Variants in CA12 observed in about 807,000 individuals in gnomAD.
CA12 encodes the protein carbonate dehydratase XII.
In CA12, 36 loss-of-function variants were observed where a neutral mutation model predicts 46.8. That is an observed-to-expected ratio of 0.77 (90% CI 0.59 to 1.02). The LOEUF is 1.02. Ranked by LOEUF, CA12 falls within the 50% of genes least tolerant of loss-of-function variation. The pLI is 0.00. For missense variants in CA12, 436 were observed against 451.4 expected, an observed-to-expected ratio of 0.97 and a Z score of 0.31; for synonymous variants, 202 against 187.0, an observed-to-expected ratio of 1.08 and a Z score of -0.65.
intron 2 of CA12, among the ~76,000 whole-genome samples, chr15:63,351,069 G>A (rs2039223640): frequency 6.6e-6 from 1 of 152,188 alleles, no homozygotes; most frequent in Non-Finnish European, 1.5e-5. Context: ...TTAACAGTTT[G>A]TAAATTTCAG....
At chr15:63,353,644 G>A (rs555219187) in intron 2 of CA12, among the ~76,000 whole-genome samples, 5 of 152,266 alleles carry the variant, frequency 3.3e-5, no homozygotes, top group Admixed American at 2.6e-4. Flanking sequence ...ACTCAGAGGG[G>A]ACCGCAGACT....
At chr15:63,380,498 G>A (rs2039631251) in intron 1 of CA12, among the ~76,000 whole-genome samples, 1 of 152,176 alleles carries the variant, frequency 6.6e-6, no homozygotes, top group Non-Finnish European at 1.5e-5. Context: ...TGCAGCTTTC[G>A]TAAAAGGAAA....
At position 63,381,799 on chromosome 15, in the gene CA12, G is replaced by A; in HGVS notation, c.-79C>T. On this transcript the variant is annotated 5_prime_UTR_variant, in exon 1 of 11. Coordinates refer to ENST00000178638, the MANE Select transcript of CA12 (RefSeq NM_001218.5). The stretch of plus-strand genomic sequence containing the variant: ...CGCTCGCTCTCCAGCTGCACACCGG[G>A]ACCGCGTGCGCGCAGCCTGGGTGCC... 5 of 953,074 alleles carry A rather than the reference G, an allele frequency of 5.2e-6. No homozygotes were observed. Among genetic ancestry groups the A allele is most frequent in the East Asian group, 3.2e-5 (1 of 31,572 alleles). The allele number at this position is 953,074 out of a possible 1,614,324, so 59.0% of individuals were successfully genotyped here.
At chr15:63,370,704 C>A (rs1332096319) in intron 2 of CA12, among the ~76,000 whole-genome samples, 1 of 148,780 alleles carries the variant, frequency 6.7e-6, no homozygotes, top group South Asian at 2.1e-4. Context: ...ACCTGGGAGG[C>A]GGAGGTTGCA....
At chr15:63,361,387 A>G (rs1000146184) in intron 2 of CA12, among the ~76,000 whole-genome samples, 2 of 152,194 alleles carry the variant, frequency 1.3e-5, no homozygotes, top group Non-Finnish European at 2.9e-5. Context: ...AGACTAAGCC[A>G]GTGATTTTCA....
At position 63,346,586 on chromosome 15, in the gene CA12, T is replaced by G. The variant is rs775683865; in HGVS notation, c.230A>C (p.Gln77Pro). 1.2e-6 allele frequency: 2 copies of G among 1,613,940 alleles called. No individual in the cohort carries two copies. Among genetic ancestry groups the G allele is most frequent in the African/African-American group, 2.7e-5 (2 of 74,880 alleles). The change falls in exon 3 of 11, where the codon CAA (glutamine) becomes CCA (proline). Residue 77 changes from glutamine to proline, a missense_variant. By Grantham distance (76) the Gln-to-Pro change is moderately conservative (BLOSUM62 -1). Coordinates refer to ENST00000178638, the MANE Select transcript of CA12 (RefSeq NM_001218.5). ...YDASLTPLEF[Q>P]GYNLSANKQF... ...CTTGTTGGCAGACAGATTGTAGCCT[T>G]GGAACTCGAGGGGCGTGAGGCTGGC...
intron 8 of CA12, 114 bp downstream of exon 8, chr15:63,338,705 G>C (rs1044501827): frequency 4.3e-6 from 6 of 1,406,892 alleles, no homozygotes. Flanking sequence ...GGCAGCCAGG[G>C]AGCTCTCAGC....
At chr15:63,361,529 C>T (rs1214080520) in intron 2 of CA12, among the ~76,000 whole-genome samples, 1 of 152,146 alleles carries the variant, frequency 6.6e-6, no homozygotes, top group Non-Finnish European at 1.5e-5. Context: ...CTGCAATGTG[C>T]AGGACAGTCC....
Position 63,340,445 on chromosome 15 carries a change from C to A in CA12, c.590G>T (p.Gly197Val). The A allele has an allele frequency of 6.2e-7, 1 of 1,614,126 alleles. No individual in the cohort carries two copies. Among genetic ancestry groups the A allele is most frequent in the Non-Finnish European group, 8.5e-7 (1 of 1,179,998 alleles). Reference sequence around the variant, plus strand: ...GAATCCCGGGACGAATGCTTCCTGGCCTAGAGAGACATGTTGCAGAGGTGA... The same window carrying A: ...GAATCCCGGGACGAATGCTTCCTGGACTAGAGAGACATGTTGCAGAGGTGA... ...FSHLQHVKYK[G>V]QEAFVPGFNI... is the part of the protein sequence containing the mutation. The change falls in exon 7 of 11, where the codon GGC (glycine) becomes GTC (valine). Residue 197 changes from glycine (G) to valine (V), a missense_variant and splice_region_variant. Transcript: ENST00000178638. This position sits in a 1 kb window ranked among gnomAD's most constrained non-coding sequence, Gnocchi z 4.4.
intron 10 of CA12, among the ~76,000 whole-genome samples, 160 bp from the exon 11 acceptor site, chr15:63,326,517 T>C (rs1326073218): frequency 6.6e-6 from 1 of 152,112 alleles, no homozygotes; most frequent in Non-Finnish European, 1.5e-5. Context: ...TGTCACCAAA[T>C]AAAGCTTTAA....
At position 63,375,817 on chromosome 15, in the gene CA12, T is replaced by C. The variant is rs574961295; in HGVS notation, c.86-139A>G. The C allele has an allele frequency of 1.5e-3, 1,002 of 686,674 alleles. 2 individuals are homozygous for C. The highest frequency in any genetic ancestry group is 2.1e-3 in the Non-Finnish European group (826 of 391,504). 42.5% of individuals were successfully genotyped at this position (686,674 alleles called of 1,614,324 possible). On this transcript the variant is annotated intron_variant, in intron 1 of 10. Coordinates refer to ENST00000178638, the MANE Select transcript of CA12 (RefSeq NM_001218.5). Reference sequence around the variant, plus strand: ...ATTGAAACTTTTTCTTTTTCTTTTTTTTTTTTTTCAAGGTGGAGTATTGCT... The same window carrying C: ...ATTGAAACTTTTTCTTTTTCTTTTTCTTTTTTTTCAAGGTGGAGTATTGCT...
rs1433697289 is a variant in CA12, at chr15:63,345,470, T to A, written c.429+7A>T. 1.2e-6 allele frequency: 2 copies of A among 1,605,290 alleles called. No homozygotes were observed. The highest frequency in any genetic ancestry group is 2.2e-5 in the South Asian group (2 of 91,046). On this transcript the variant is annotated splice_region_variant and intron_variant, in intron 4 of 10. Coordinates refer to ENST00000178638, the MANE Select transcript of CA12 (RefSeq NM_001218.5). The surrounding 1 kb of genome is among the most constrained non-coding windows in gnomAD (Gnocchi z 4.3). ...GCAGCCTCTGCCAGACTGGCAGCCC[T>A]ACTTACCTCGGCGGCGAAGTGCTGT... is the stretch of plus-strand genomic sequence containing the variant.
chr15:63,375,696 CAGTA>C lies in CA12; in HGVS notation c.86-22_86-19del, dbSNP rs553154730. 1.9e-4 allele frequency: 306 copies of C among 1,574,312 alleles called. 1 individual carries two copies. The Admixed American group carries it at 2.3e-3, about 12-fold the overall frequency. ...CTTGGAACCTACAAAGAACAAAACA[CAGTA>C]AGTAAGTACAATGGAACCAGATGAG... On this transcript the variant is annotated intron_variant, in intron 1 of 10. Coordinates refer to ENST00000178638, the MANE Select transcript of CA12 (RefSeq NM_001218.5).
intron 2 of CA12, among the ~76,000 whole-genome samples, chr15:63,351,675 G>A (rs540384627): frequency 8.3e-4 from 126 of 152,076 alleles, no homozygotes; most frequent in African/African-American, 2.3e-3. Context: ...TCCAAATTTC[G>A]TCCACTCTTC....
rs1462223688 is a variant in CA12, at chr15:63,341,609, T to A, written c.525+393A>T. Among the ~76,000 whole-genome samples, 2 of 152,196 alleles carry A rather than the reference T, an allele frequency of 1.3e-5. No individual in the cohort carries two copies. Among genetic ancestry groups the A allele is most frequent in the African/African-American group, 4.8e-5 (2 of 41,452 alleles). On this transcript the variant is annotated intron_variant, in intron 5 of 10. Coordinates refer to ENST00000178638, the MANE Select transcript of CA12 (RefSeq NM_001218.5). This position sits in a 1 kb window ranked among gnomAD's most constrained non-coding sequence, Gnocchi z 5.2. ...CCAAAAAGGTTGGGGACCACTGATCTAGAGGTCCCTTGGATCTAGAGGAGC... is the reference window on the plus strand; with the variant it reads ...CCAAAAAGGTTGGGGACCACTGATCAAGAGGTCCCTTGGATCTAGAGGAGC...
In CA12 at chr15:63,355,658, G is replaced by A. The variant is rs904254772; in HGVS notation, c.107-8949C>T. 2.0e-5 allele frequency among the ~76,000 whole-genome samples: 3 copies of A among 152,204 alleles called. No homozygotes were observed. The highest frequency in any genetic ancestry group is 7.2e-5 in the African/African-American group (3 of 41,448). Reference sequence around the variant, plus strand: ...GTTCAACAAACAGCTCTTGAACTAAGCAACAAACAACAGCAAACCACTAAG... The same window carrying A: ...GTTCAACAAACAGCTCTTGAACTAAACAACAAACAACAGCAAACCACTAAG... On this transcript the variant is annotated intron_variant, in intron 2 of 10. Coordinates refer to ENST00000178638, the MANE Select transcript of CA12 (RefSeq NM_001218.5). The surrounding 1 kb of genome is among the most constrained non-coding windows in gnomAD (Gnocchi z 4.1).
intron 2 of CA12, among the ~76,000 whole-genome samples, chr15:63,365,155 G>C (rs1036172963): frequency 6.6e-6 from 1 of 152,186 alleles, no homozygotes; most frequent in African/African-American, 2.4e-5. Context: ...ATGTCACAAC[G>C]AACAGTGTAA....
intron 2 of CA12, among the ~76,000 whole-genome samples, chr15:63,353,590 C>T (rs753444537): frequency 3.9e-5 from 6 of 152,174 alleles, no homozygotes; most frequent in African/African-American, 1.2e-4. Context: ...CCAACAGTCC[C>T]GCTCTTGTGG....
At position 63,378,103 on chromosome 15, in the gene CA12, G is replaced by A. The variant is rs1302143437; in HGVS notation, c.86-2425C>T. Among the ~76,000 whole-genome samples, 1 of 152,158 alleles carries A rather than the reference G, an allele frequency of 6.6e-6. No homozygotes were observed. The highest frequency in any genetic ancestry group is 1.9e-4 in the East Asian group (1 of 5,196). On this transcript the variant is annotated intron_variant, in intron 1 of 10. Coordinates refer to ENST00000178638, the MANE Select transcript of CA12 (RefSeq NM_001218.5). The surrounding 1 kb of genome is among the most constrained non-coding windows in gnomAD (Gnocchi z 4.8). ...CCTCTCCCAGTAAAAATTTCCCTAA[G>A]CTGGCTGGGTACGGTGGCTCACCCC... is the stretch of plus-strand genomic sequence containing the variant.
Sources: gnomAD v4.1 joint callset for allele counts (sites outside exome capture counted in the v4.1 genomes callset) on GRCh38, gnomAD v4.1.1 for gene constraint, Gnocchi (gnomAD v3.1) non-coding constraint, MANE v1.5 for transcripts, NCBI Gene and HGNC (gene_info 2026-07-23, HGNC 2026-07-21) for gene names.